CASR: variants seen among roughly 807,000 people sequenced by gnomAD.
CASR encodes the protein extracellular calcium-sensing receptor.
In CASR, 23 loss-of-function variants were observed where a neutral mutation model predicts 69.1. The observed-to-expected ratio is 0.33, with a 90% CI of 0.24 to 0.47. The LOEUF (loss-of-function observed/expected upper bound fraction) is 0.47. Among genes scored for constraint, CASR ranks in the 20% least tolerant of loss-of-function variants. The pLI, the probability that CASR is intolerant of heterozygous loss-of-function variation, is 1.00. For synonymous variants in CASR, 541 were observed against 544.7 expected (o/e 0.99, Z 0.10); for missense variants, 924 against 1,356.1 (o/e 0.68, Z 5.00).
In CASR at chr3:122,287,185, G is replaced by A. The variant is rs2074977579; in HGVS notation, c.*1994G>A. The A allele has an allele frequency of 6.6e-6, 1 of 152,236 alleles. No homozygotes were observed. Among genetic ancestry groups the A allele is most frequent in the Admixed American group, 6.5e-5 (1 of 15,288 alleles). The allele number at this position is 152,236 out of a possible 1,614,324, so 9.4% of individuals were successfully genotyped here. ...GTTTCAAAATAACTATGAGGGAACA[G>A]CCTCAACAGAATGTGACATACTTCT... On this transcript the variant is annotated 3_prime_UTR_variant, in exon 7 of 7. Coordinates refer to ENST00000639785, the MANE Select transcript of CASR (RefSeq NM_000388.4).
At position 122,212,076 on chromosome 3, in the gene CASR, A is replaced by G. The variant is rs187406781; in HGVS notation, c.-243+28264A>G. On this transcript the variant is annotated intron_variant, in intron 1 of 6. Coordinates refer to ENST00000639785, the MANE Select transcript of CASR (RefSeq NM_000388.4). Reference sequence around the variant, plus strand: ...TTACTGAGTATATACCCAAAGGAATATAAATCATTCTATTATAAACATACA... The same window carrying G: ...TTACTGAGTATATACCCAAAGGAATGTAAATCATTCTATTATAAACATACA... Among the ~76,000 whole-genome samples, 74 of 152,364 alleles carry G rather than the reference A, an allele frequency of 4.9e-4. 1 individual carries two copies. The South Asian group carries it at 0.015, about 30-fold the overall frequency.
At chr3:122,215,902 G>A (rs532336785) in intron 1 of CASR, among the ~76,000 whole-genome samples, 1 of 152,304 alleles carries the variant, frequency 6.6e-6, no homozygotes, top group Non-Finnish European at 1.5e-5. Flanking sequence ...TTGCAGAAGT[G>A]TTGGGGATCA....
intron 1 of CASR, among the ~76,000 whole-genome samples, chr3:122,248,730 A>T (rs925732943): frequency 1.3e-5 from 2 of 152,072 alleles, no homozygotes; most frequent in African/African-American, 4.8e-5. Context: ...TCTATTTGAA[A>T]TGTGAGCAAA....
At chr3:122,280,321 C>G (rs762446933) in intron 5 of CASR, among the ~76,000 whole-genome samples, 2 of 152,194 alleles carry the variant, frequency 1.3e-5, no homozygotes, top group African/African-American at 2.4e-5. Context: ...GCTCTCACCA[C>G]TCTTATTCAA....
chr3:122,265,265 T>A (rs1394395680), intron 4 of CASR, among the ~76,000 whole-genome samples: 1 of 152,238 alleles, frequency 6.6e-6, no homozygotes, highest in Non-Finnish European at 1.5e-5. Flanking sequence ...AAATTCTGGT[T>A]ATAAGGGTCA....
intron 1 of CASR, among the ~76,000 whole-genome samples, chr3:122,212,926 G>T (rs918145782): frequency 6.6e-6 from 1 of 152,196 alleles, no homozygotes; most frequent in Non-Finnish European, 1.5e-5. Flanking sequence ...ACAGGCATGA[G>T]CCACAGTGCC....
intron 1 of CASR, among the ~76,000 whole-genome samples, chr3:122,231,262 A>G (rs1375967944): frequency 6.6e-6 from 1 of 152,026 alleles, no homozygotes; most frequent in East Asian, 1.9e-4. Context: ...AGCATCATAC[A>G]CTTGCTGTTT....
chr3:122,283,394 C>T (rs2074916621), intron 6 of CASR, among the ~76,000 whole-genome samples: 1 of 152,212 alleles, frequency 6.6e-6, no homozygotes, highest in Admixed American at 6.5e-5. Context: ...GTTGATCATT[C>T]CCTGCCATCA....
chr3:122,261,245 A>G (rs1401500776), intron 3 of CASR, among the ~76,000 whole-genome samples: 1 of 152,200 alleles, frequency 6.6e-6, no homozygotes, highest in Non-Finnish European at 1.5e-5. Context: ...TGTTGGGTTG[A>G]TTTTATGGCC....
chr3:122,206,524 G>A lies in CASR; in HGVS notation c.-243+22712G>A, dbSNP rs567619787. On this transcript the variant is annotated intron_variant, in intron 1 of 6. Transcript: ENST00000639785. The stretch of plus-strand genomic sequence containing the variant: ...ACATCTATGTCTATCAGGAATAGTG[G>A]CCTGTAAGTTTTCTTTTTTTGCTGT... Among the ~76,000 whole-genome samples, 145 of 152,082 alleles carry A rather than the reference G, an allele frequency of 9.5e-4. 1 individual carries two copies. Among genetic ancestry groups the A allele is most frequent in the Non-Finnish European group, 1.7e-3 (113 of 67,910 alleles).
At chr3:122,192,095 G>A (rs1009800905) in intron 1 of CASR, among the ~76,000 whole-genome samples, 8 of 152,326 alleles carry the variant, frequency 5.3e-5, no homozygotes, top group African/African-American at 1.9e-4. Context: ...GTGAGAATTT[G>A]AAACTGAAAC....
chr3:122,274,754 T>A (rs988775360), intron 4 of CASR, among the ~76,000 whole-genome samples: 1 of 151,928 alleles, frequency 6.6e-6, no homozygotes, highest in African/African-American at 2.4e-5. Context: ...CAAAAAAAAA[T>A]TAGCTCAGAA....
At chr3:122,220,799 C>A (rs1462154724) in intron 1 of CASR, among the ~76,000 whole-genome samples, 3 of 152,088 alleles carry the variant, frequency 2.0e-5, no homozygotes, top group African/African-American at 7.2e-5. Flanking sequence ...CATGGTGAAA[C>A]CCCGTCTCTA....
intron 1 of CASR, among the ~76,000 whole-genome samples, chr3:122,188,247 C>T (rs971243117): frequency 1.6e-4 from 24 of 152,164 alleles, no homozygotes; most frequent in Non-Finnish European, 2.8e-4. Flanking sequence ...GCGGTCATGG[C>T]AGCAGCCATG....
chr3:122,191,789 G>C (rs968143623), intron 1 of CASR, among the ~76,000 whole-genome samples: 3 of 152,192 alleles, frequency 2.0e-5, no homozygotes, highest in Admixed American at 6.5e-5. Flanking sequence ...GGTTGTAATG[G>C]TTTTCAAATG....
At chr3:122,244,966 TG>T (rs1471531183) in intron 1 of CASR, among the ~76,000 whole-genome samples, 1 of 152,194 alleles carries the variant, frequency 6.6e-6, no homozygotes. Context: ...ATATAGCCAT[TG>T]TTTTAATAAC....
chr3:122,285,080 AG>A lies in CASR; in HGVS notation c.3127del (p.Glu1043ArgfsTer13). 1 of 1,614,232 alleles carries A rather than the reference AG, an allele frequency of 6.2e-7. No individual in the cohort carries two copies. Among genetic ancestry groups the A allele is most frequent in the Non-Finnish European group, 8.5e-7 (1 of 1,180,034 alleles). ...GACCTGTGGGTGGAGACCAGCGGCC[AG>A]AGGTGGAGGACCCTGAAGAGTTGTC... is the stretch of plus-strand genomic sequence containing the variant. ...QGPVGGDQRP[E>X]VEDPEELSPA... On this transcript the variant is annotated frameshift_variant, in exon 7 of 7. Coordinates refer to ENST00000639785, the MANE Select transcript of CASR (RefSeq NM_000388.4). LOFTEE classifies it high-confidence loss of function.
intron 1 of CASR, among the ~76,000 whole-genome samples, chr3:122,200,587 C>T (rs1033017358): frequency 8.5e-5 from 13 of 152,184 alleles, no homozygotes; most frequent in Admixed American, 7.2e-4. Context: ...ATTTTTACTG[C>T]TGTTTAGAAT....
chr3:122,238,534 G>A (rs1480774125), intron 1 of CASR, among the ~76,000 whole-genome samples: 1 of 152,176 alleles, frequency 6.6e-6, no homozygotes, highest in East Asian at 1.9e-4. Flanking sequence ...TGCTGGGCTA[G>A]GCTTAACACT....
Sources: gnomAD v4.1 joint callset for allele counts (sites outside exome capture counted in the v4.1 genomes callset) on GRCh38, gnomAD v4.1.1 for gene constraint, MANE v1.5 for transcripts, NCBI Gene and HGNC (gene_info 2026-07-23, HGNC 2026-07-21) for gene names.